RABGAP1: variants seen among roughly 807,000 people sequenced by gnomAD.
RABGAP1 encodes rab GTPase-activating protein 1.
In RABGAP1, 23 loss-of-function variants were observed where a neutral mutation model predicts 137.6. That is an observed-to-expected ratio of 0.17 (90% CI 0.12 to 0.24). The LOEUF (loss-of-function observed/expected upper bound fraction) is 0.24, where lower values mean the gene tolerates loss of function less well. Ranked by LOEUF, RABGAP1 falls within the 10% of genes least tolerant of loss-of-function variation. The pLI, the probability that RABGAP1 is intolerant of heterozygous loss-of-function variation, is 1.00. For synonymous variants in RABGAP1, 451 were observed against 450.7 expected (o/e 1.00, Z -0.01); for missense variants, 906 against 1,275.8 (o/e 0.71, Z 4.42).
intron 2 of RABGAP1, among the ~76,000 whole-genome samples, chr9:122,976,394 A>G (rs1588200378): frequency 6.6e-6 from 1 of 152,176 alleles, no homozygotes; most frequent in Non-Finnish European, 1.5e-5. Flanking sequence ...ACTTCAAAAT[A>G]TATTGTTTGT....
intron 10 of RABGAP1, among the ~76,000 whole-genome samples, chr9:123,005,990 G>T (rs1416995364): frequency 6.6e-6 from 1 of 152,082 alleles, no homozygotes; most frequent in Non-Finnish European, 1.5e-5. Flanking sequence ...ATGTATAAGG[G>T]TGACTTTTCT....
At chr9:123,017,676 A>G (rs1204417748) in intron 12 of RABGAP1, among the ~76,000 whole-genome samples, 2 of 152,244 alleles carry the variant, frequency 1.3e-5, no homozygotes, top group African/African-American at 2.4e-5. Flanking sequence ...ATAGAAGTCT[A>G]TAAAATTACC....
intron 20 of RABGAP1, 120 bp from the exon 21 acceptor site, chr9:123,090,155 C>A: frequency 1.4e-6 from 1 of 733,222 alleles, no homozygotes; most frequent in Non-Finnish European, 2.2e-6. Context: ...ACATCAGGTC[C>A]AGCCATTTCT....
intron 12 of RABGAP1, 30 bp from the exon 13 acceptor site, chr9:123,020,279 A>G (rs1294887361): frequency 1.4e-6 from 2 of 1,431,780 alleles, no homozygotes; most frequent in East Asian, 2.5e-5. Flanking sequence ...TCTTCCTTTT[A>G]TGATTTATGG....
intron 10 of RABGAP1, among the ~76,000 whole-genome samples, chr9:123,008,078 G>A (rs1015970417): frequency 6.6e-6 from 1 of 151,610 alleles, no homozygotes; most frequent in African/African-American, 2.4e-5. Flanking sequence ...ATAGTATAAC[G>A]AATCCCCATG....
At chr9:123,054,725 T>C (rs770827947) in intron 13 of RABGAP1, among the ~76,000 whole-genome samples, 1 of 152,222 alleles carries the variant, frequency 6.6e-6, no homozygotes. Flanking sequence ...TGTAACAGTT[T>C]CTTAGGCTTG....
intron 13 of RABGAP1, among the ~76,000 whole-genome samples, chr9:123,027,691 G>A (rs369675583): frequency 2.6e-5 from 4 of 152,148 alleles, no homozygotes; most frequent in African/African-American, 9.7e-5. Flanking sequence ...CAGTTCTGCC[G>A]CTTCATTTCC....
At chr9:123,090,684 G>A (rs935819255) in intron 21 of RABGAP1, among the ~76,000 whole-genome samples, 5 of 152,232 alleles carry the variant, frequency 3.3e-5, no homozygotes, top group Non-Finnish European at 7.3e-5. Flanking sequence ...ATTGGCAGGA[G>A]CATTTAATCA....
rs898464454 is a variant in RABGAP1, at chr9:123,010,462, C to T, written c.1483C>T (p.Arg495Cys). The change falls in exon 11 of 26, where the codon CGC (arginine) becomes TGC (cysteine). Residue 495 changes from arginine (R) to cysteine (C), a missense_variant. Around this residue, in one of 9 missense-constraint regions of RABGAP1, gnomAD observed 212 missense variants for 289.4 expected, o/e 0.73. Coordinates refer to ENST00000373647, the MANE Select transcript of RABGAP1 (RefSeq NM_012197.4). ...RRKTTASPSV[R>C]LPQSGSQSSV... ...GAAAACTACAGCCAGTCCTTCAGTT[C>T]GCCTGCCACAGTCTGGATCGCAAAG... 3.1e-6 allele frequency: 5 copies of T among 1,613,848 alleles called. No homozygotes were observed. Among genetic ancestry groups the T allele is most frequent in the Non-Finnish European group, 3.4e-6 (4 of 1,179,806 alleles).
chr9:123,020,372 A>C lies in RABGAP1; in HGVS notation c.1707A>C (p.Glu569Asp). The part of the protein sequence containing the change: ...LSSLVRNGVP[E>D]ALRGEVWQLL... Reference sequence around the variant, plus strand: ...CCTTAGTAAGAAACGGTGTCCCTGAAGCTCTTCGAGGAGAAGTCTGGCAGC... The same window carrying C: ...CCTTAGTAAGAAACGGTGTCCCTGACGCTCTTCGAGGAGAAGTCTGGCAGC... The change falls in exon 13 of 26, where the codon GAA becomes GAC. Residue 569 changes from glutamate to aspartate, a missense_variant. Glu to Asp is a conservative substitution (Grantham distance 45, BLOSUM62 2). This residue lies in a region of RABGAP1 where 212 missense variants were observed against 289.4 expected (regional missense o/e 0.73). Transcript: ENST00000373647. The C allele has an allele frequency of 6.2e-7, 1 of 1,606,184 alleles. No individual in the cohort carries two copies. The highest frequency in any genetic ancestry group is 8.5e-7 in the Non-Finnish European group (1 of 1,175,892).
At chr9:123,097,343 TTAA>T (rs1243067307) in intron 21 of RABGAP1, among the ~76,000 whole-genome samples, 3 of 152,222 alleles carry the variant, frequency 2.0e-5, no homozygotes, top group African/African-American at 7.2e-5. Flanking sequence ...AACCAGTTTA[TTAA>T]TAATAATGAT....
At chr9:123,077,813 C>T (rs2034570353) in intron 19 of RABGAP1, among the ~76,000 whole-genome samples, 1 of 152,008 alleles carries the variant, frequency 6.6e-6, no homozygotes, top group African/African-American at 2.4e-5. Context: ...ATTTAGGGCT[C>T]AGTTTCTGCT....
intron 14 of RABGAP1, among the ~76,000 whole-genome samples, chr9:123,067,293 T>TA (rs2034207843): frequency 6.6e-6 from 1 of 152,248 alleles, no homozygotes; most frequent in Non-Finnish European, 1.5e-5. Flanking sequence ...TTCTCTCTCT[T>TA]CACTGCCCTG....
intron 4 of RABGAP1, among the ~76,000 whole-genome samples, chr9:122,987,631 G>T (rs913894508): frequency 6.6e-6 from 1 of 151,928 alleles, no homozygotes; most frequent in Non-Finnish European, 1.5e-5. Context: ...ATATGAATGG[G>T]TTATAAATAA....
intron 13 of RABGAP1, among the ~76,000 whole-genome samples, chr9:123,024,532 C>A (rs1004312638): frequency 6.6e-6 from 1 of 151,878 alleles, no homozygotes; most frequent in South Asian, 2.1e-4. Flanking sequence ...CTCCGCCTCC[C>A]GGGTTCAAAC....
Position 123,077,715 on chromosome 9 carries a change from T to A in RABGAP1, c.2424+953T>A, listed in dbSNP as rs375708415. Among the ~76,000 whole-genome samples, 24 of 150,038 alleles carry A rather than the reference T, an allele frequency of 1.6e-4. 1 individual carries two copies. Among genetic ancestry groups the A allele is most frequent in the Admixed American group, 1.0e-3 (15 of 14,972 alleles). ...TATTTATTTTCTGTGGGGCTTTTTT[T>A]GAGACAGGGTCTCACTCTTGTTACC... On this transcript the variant is annotated intron_variant, in intron 19 of 25. Coordinates refer to ENST00000373647, the MANE Select transcript of RABGAP1 (RefSeq NM_012197.4).
At chr9:122,979,064 A>G (rs1835913665) in intron 2 of RABGAP1, among the ~76,000 whole-genome samples, 1 of 151,786 alleles carries the variant, frequency 6.6e-6, no homozygotes, top group African/African-American at 2.4e-5. Context: ...CTTCTGGCTA[A>G]TTTTTTAAAT....
At chr9:123,095,487 C>T (rs2035155544) in intron 21 of RABGAP1, among the ~76,000 whole-genome samples, 1 of 151,998 alleles carries the variant, frequency 6.6e-6, no homozygotes, top group African/African-American at 2.4e-5. Flanking sequence ...ATTGCTTGAG[C>T]CCAAGAGTTC....
chr9:123,026,518 A>G, intron 13 of RABGAP1, among the ~76,000 whole-genome samples: 1 of 152,230 alleles, frequency 6.6e-6, no homozygotes, highest in Admixed American at 6.5e-5. Flanking sequence ...GCTTCATGGA[A>G]TAAATTTTTA....
Sources: gnomAD v4.1 joint callset for allele counts (sites outside exome capture counted in the v4.1 genomes callset) on GRCh38, gnomAD v4.1.1 for gene constraint, gnomAD v4.1.1 regional missense constraint, MANE v1.5 for transcripts, NCBI Gene and HGNC (gene_info 2026-07-23, HGNC 2026-07-21) for gene names.